TGFB2: variants seen among roughly 807,000 people sequenced by gnomAD.
TGFB2 encodes transforming growth factor beta-2 proprotein.
In TGFB2, 13 loss-of-function variants were observed where a neutral mutation model predicts 42.7. The observed-to-expected ratio is 0.30, with a 90% CI of 0.20 to 0.48. TGFB2 has a LOEUF of 0.48. Among genes scored for constraint, TGFB2 ranks in the 20% least tolerant of loss-of-function variants. TGFB2 has a pLI of 0.99. For missense variants in TGFB2, 390 were observed against 517.5 expected (o/e 0.75, Z 2.39); for synonymous variants, 193 against 193.6 (o/e 1.00, Z 0.03).
At chr1:218,395,597 TTTC>T (rs886231402) in intron 1 of TGFB2, among the ~76,000 whole-genome samples, 18 of 149,772 alleles carry the variant, frequency 1.2e-4, no homozygotes, top group Admixed American at 1.1e-3. Flanking sequence ...CTTGATTTAT[TTTC>T]TTTTCTTTTT....
chr1:218,434,439 A>T lies in TGFB2; in HGVS notation c.745A>T (p.Arg249Ter). Residue 249 changes from arginine (R) to a stop codon, truncating the protein, a stop_gained, in exon 4 of 7, where the codon AGA becomes TGA. Transcript: ENST00000366930. LOFTEE classifies it high-confidence loss of function. ...IPNKSEELEA[R>*]FAGIDGTSTY... ...AAATAAAAGTGAAGAACTAGAAGCAAGATTTGCAGGTAACCAAAACTTGGT... is the reference window on the plus strand; with the variant it reads ...AAATAAAAGTGAAGAACTAGAAGCATGATTTGCAGGTAACCAAAACTTGGT... 6.2e-7 allele frequency: 1 copy of T among 1,611,142 alleles called. No homozygotes were observed. The highest frequency in any genetic ancestry group is 8.5e-7 in the Non-Finnish European group (1 of 1,177,536).
At chr1:218,385,097 G>A (rs11466380) in intron 1 of TGFB2, among the ~76,000 whole-genome samples, 319 of 152,198 alleles carry the variant, frequency 2.1e-3, no homozygotes, top group African/African-American at 5.0e-3. Flanking sequence ...ATCTGGGTTT[G>A]ATTCTATTTT....
intron 1 of TGFB2, among the ~76,000 whole-genome samples, chr1:218,364,600 G>A (rs779309537): frequency 2.6e-5 from 4 of 152,114 alleles, no homozygotes; most frequent in African/African-American, 7.2e-5. Flanking sequence ...TGGAGGTCCC[G>A]GCTAGAGACA....
At chr1:218,349,348 G>A (rs79781677) in intron 1 of TGFB2, among the ~76,000 whole-genome samples, 4,655 of 151,976 alleles carry the variant, frequency 0.031, 97 homozygotes, top group East Asian at 0.082. Flanking sequence ...CAAAAAAAAG[G>A]AAAAAAAGAA....
chr1:218,423,686 T>C (rs1383628924), intron 2 of TGFB2, among the ~76,000 whole-genome samples: 1 of 152,120 alleles, frequency 6.6e-6, no homozygotes, highest in Non-Finnish European at 1.5e-5. Flanking sequence ...TGGTGGCCAG[T>C]TGTGTTATCA....
chr1:218,353,642 A>G (rs908429100), intron 1 of TGFB2, among the ~76,000 whole-genome samples: 33 of 152,208 alleles, frequency 2.2e-4, no homozygotes, highest in African/African-American at 8.0e-4. Flanking sequence ...CACGCCTATA[A>G]TCTTAGCACT....
intron 2 of TGFB2, among the ~76,000 whole-genome samples, chr1:218,420,405 G>C (rs1659417664): frequency 6.6e-6 from 1 of 152,128 alleles, no homozygotes; most frequent in Admixed American, 6.5e-5. Context: ...TATACCTGAT[G>C]GTCTCATGAA....
At chr1:218,402,485 G>A (rs942706961) in intron 1 of TGFB2, among the ~76,000 whole-genome samples, 1 of 152,134 alleles carries the variant, frequency 6.6e-6, no homozygotes, top group African/African-American at 2.4e-5. Context: ...TTGACCTCAT[G>A]GTCTGAGGCA....
intron 1 of TGFB2, among the ~76,000 whole-genome samples, chr1:218,392,829 T>G (rs952207905): frequency 4.8e-4 from 73 of 152,358 alleles, no homozygotes; most frequent in African/African-American, 1.8e-3. Context: ...TAATTTAATG[T>G]GCTAGTAATA....
chr1:218,371,092 A>C (rs1657555647), intron 1 of TGFB2, among the ~76,000 whole-genome samples: 1 of 152,168 alleles, frequency 6.6e-6, no homozygotes, highest in Non-Finnish European at 1.5e-5. Context: ...TGAGCCCAGG[A>C]GTTTGAGACA....
chr1:218,394,162 G>A (rs1403769399), intron 1 of TGFB2, among the ~76,000 whole-genome samples: 1 of 152,112 alleles, frequency 6.6e-6, no homozygotes, highest in Non-Finnish European at 1.5e-5. Flanking sequence ...GCCCGCCTCG[G>A]CCTCCCAAAG....
intron 2 of TGFB2, among the ~76,000 whole-genome samples, chr1:218,409,023 T>G (rs1659009102): frequency 1.3e-5 from 2 of 152,196 alleles, no homozygotes; most frequent in South Asian, 2.1e-4. Context: ...ATAAGGAGCG[T>G]GCAACCTAGA....
chr1:218,385,030 C>A (rs544461030), intron 1 of TGFB2, among the ~76,000 whole-genome samples: 3 of 152,282 alleles, frequency 2.0e-5, no homozygotes, highest in African/African-American at 7.2e-5. Context: ...CAGAGTGAAC[C>A]CTTCCCATGT....
At chr1:218,361,089 G>C (rs752306594) in intron 1 of TGFB2, among the ~76,000 whole-genome samples, 2 of 152,196 alleles carry the variant, frequency 1.3e-5, no homozygotes, top group East Asian at 1.9e-4. Flanking sequence ...TCCTGACCTC[G>C]TGGTCTGCCT....
At chr1:218,422,409 T>C (rs1659486907) in intron 2 of TGFB2, among the ~76,000 whole-genome samples, 1 of 151,830 alleles carries the variant, frequency 6.6e-6, no homozygotes, top group African/African-American at 2.4e-5. Context: ...TTCATAGAGG[T>C]GAGGTCTCAT....
intron 2 of TGFB2, among the ~76,000 whole-genome samples, chr1:218,432,106 G>T (rs1659825875): frequency 6.6e-6 from 1 of 152,152 alleles, no homozygotes; most frequent in Non-Finnish European, 1.5e-5. Context: ...GCACTGAAGT[G>T]GGAAAATGAC....
rs2102579245 is a variant in TGFB2, at chr1:218,391,981, T to C, written c.347-13188T>C. Among the ~76,000 whole-genome samples, 3 of 152,078 alleles carry C rather than the reference T, an allele frequency of 2.0e-5. No homozygotes were observed. In the South Asian group the frequency reaches 6.2e-4, roughly 32 times the overall value. ...CAAGTGAATGGCTTTCATGACAAAA[T>C]GTGAAAGGAAAGATGGGATGTTTGC... is the stretch of plus-strand genomic sequence containing the variant. On this transcript the variant is annotated intron_variant, in intron 1 of 6. Transcript: ENST00000366930.
At chr1:218,378,169 ATTTATTTATTTATTTAT>A (rs1274183106) in intron 1 of TGFB2, among the ~76,000 whole-genome samples, 21 of 23,276 alleles carry the variant, frequency 9.0e-4, no homozygotes, top group East Asian at 8.2e-3. Flanking sequence ...TTATTTATTT[ATTTATTTATTTATTTAT>A]TTAAGATGGA....
In TGFB2 at chr1:218,346,669, T is replaced by G. The variant is rs1309229507; in HGVS notation, c.-33T>G. 2.6e-6 allele frequency: 4 copies of G among 1,557,054 alleles called. No individual in the cohort carries two copies. The highest frequency in any genetic ancestry group is 3.5e-6 in the Non-Finnish European group (4 of 1,151,290). On this transcript the variant is annotated 5_prime_UTR_variant, in exon 1 of 7. Transcript: ENST00000366930. This position sits in a 1 kb window ranked among gnomAD's most constrained non-coding sequence, Gnocchi z 4.9. ...GATTTCTTTTTTTTATTCTGACTTT[T>G]AAAAACAACTTTTTTTTCCACTTTT... is the stretch of plus-strand genomic sequence containing the variant.
Sources: allele counts gnomAD v4.1 joint callset (sites outside exome capture counted in the v4.1 genomes callset), GRCh38; gene constraint gnomAD v4.1.1; non-coding constraint Gnocchi (gnomAD v3.1); transcripts MANE v1.5; gene names NCBI Gene and HGNC (gene_info 2026-07-23, HGNC 2026-07-21).